PCBP3: variants seen among roughly 807,000 people sequenced by gnomAD.
The protein encoded by PCBP3 is poly(rC) binding protein 3.
PCBP3 carries 25 observed loss-of-function variants against 52.7 expected under a neutral mutation model. The ratio of observed to expected loss-of-function variants is 0.47; its 90% CI spans 0.35 to 0.66. The LOEUF (loss-of-function observed/expected upper bound fraction) is 0.66, where lower values mean the gene tolerates loss of function less well. PCBP3 is among the 30% of genes least tolerant of loss of function. The pLI, the probability that PCBP3 is intolerant of heterozygous loss-of-function variation, is 0.01. For missense variants in PCBP3, 391 were observed against 490.3 expected, an observed-to-expected ratio of 0.80 and a Z score of 1.91; for synonymous variants, 162 against 183.0, an observed-to-expected ratio of 0.89 and a Z score of 0.93.
chr21:45,932,991 A>G (rs1259813745), intron 15 of PCBP3, among the ~76,000 whole-genome samples: 1 of 151,624 alleles, frequency 6.6e-6, no homozygotes, highest in Non-Finnish European at 1.5e-5. Context: ...CCGTTCTGAG[A>G]TGAATGAACA....
At chr21:45,785,571 C>T (rs1232072973) in intron 4 of PCBP3, among the ~76,000 whole-genome samples, 5 of 151,548 alleles carry the variant, frequency 3.3e-5, no homozygotes, top group South Asian at 2.1e-4. Context: ...CGCCTCTGCC[C>T]GGCCGCCCCT....
chr21:45,917,986 G>A lies in PCBP3; in HGVS notation c.717+357G>A, dbSNP rs1026725898. The A allele has an allele frequency of 8.0e-5, 26 of 325,148 alleles. No individual in the cohort carries two copies. The highest frequency in any genetic ancestry group is 4.9e-4 in the African/African-American group (23 of 46,652). 20.1% of individuals were successfully genotyped at this position (325,148 alleles called of 1,614,324 possible). On this transcript the variant is annotated intron_variant, in intron 13 of 17. Coordinates refer to ENST00000681687, the MANE Select transcript of PCBP3 (RefSeq NM_001384156.1). This position sits in a 1 kb window ranked among gnomAD's most constrained non-coding sequence, Gnocchi z 5.3. Reference sequence around the variant, plus strand: ...CAGGCGTCAGTGATACTTTCTCTGCGCCTAAGAAGTTGGGTGACATTATCA... The same window carrying A: ...CAGGCGTCAGTGATACTTTCTCTGCACCTAAGAAGTTGGGTGACATTATCA...
chr21:45,845,545 ATG>A (rs1252954695), intron 4 of PCBP3, among the ~76,000 whole-genome samples: 4 of 148,590 alleles, frequency 2.7e-5, no homozygotes, highest in Non-Finnish European at 5.9e-5. Flanking sequence ...GTGTGTATGC[ATG>A]TGTGTGAGCT....
intron 4 of PCBP3, among the ~76,000 whole-genome samples, chr21:45,811,965 T>TC (rs1207805492): frequency 6.6e-6 from 1 of 152,232 alleles, no homozygotes; most frequent in Non-Finnish European, 1.5e-5. Context: ...TATCAGTTAT[T>TC]CCTTAGAATT....
rs547749025 is a variant in PCBP3, at chr21:45,743,795, G to A, written c.-162+8366G>A. 1.7e-4 allele frequency among the ~76,000 whole-genome samples: 26 copies of A among 152,158 alleles called. No individual in the cohort carries two copies. In the South Asian group the frequency reaches 5.2e-3, roughly 30 times the overall value. ...TTTTTCTAATTTTTATATGATTTTG[G>A]CAATAAATGATAGCTTGCTTTCATA... On this transcript the variant is annotated intron_variant, in intron 3 of 17. Transcript: ENST00000681687.
In PCBP3 at chr21:45,836,712, C is replaced by T. The variant is rs983565401; in HGVS notation, c.-125-13249C>T. ...CTTCCTCTTCTTTACCGTGATCCTG[C>T]ATTTTGTTTTCTCATCTCTTCTCTT... On this transcript the variant is annotated intron_variant, in intron 4 of 17. Transcript: ENST00000681687. Among the ~76,000 whole-genome samples the T allele has an allele frequency of 4.6e-5, 7 of 152,082 alleles. No homozygotes were observed. In the South Asian group the frequency reaches 1.3e-3, roughly 27 times the overall value.
chr21:45,676,287 T>A (rs550106363), intron 2 of PCBP3, among the ~76,000 whole-genome samples: 2 of 152,316 alleles, frequency 1.3e-5, no homozygotes, highest in East Asian at 3.9e-4. Context: ...AAAGTTAGAA[T>A]TGTGGAAAAC....
chr21:45,677,582 C>T (rs919124429), intron 2 of PCBP3, among the ~76,000 whole-genome samples: 3 of 152,220 alleles, frequency 2.0e-5, no homozygotes, highest in Non-Finnish European at 4.4e-5. Flanking sequence ...AAATAGCCTT[C>T]TATTGAAAGA....
intron 4 of PCBP3, among the ~76,000 whole-genome samples, chr21:45,832,943 C>T (rs1355572536): frequency 1.3e-5 from 2 of 152,158 alleles, no homozygotes; most frequent in African/African-American, 2.4e-5. Flanking sequence ...CGTGAGAACT[C>T]GCTATCATGA....
At chr21:45,870,603 G>A (rs139419067) in intron 5 of PCBP3, among the ~76,000 whole-genome samples, 1 of 152,306 alleles carries the variant, frequency 6.6e-6, no homozygotes, top group South Asian at 2.1e-4. Flanking sequence ...AGCTCCTGGG[G>A]TCTGAAGTGA....
intron 10 of PCBP3, 67 bp downstream of exon 10, chr21:45,909,553 G>T: frequency 6.6e-7 from 1 of 1,523,506 alleles, no homozygotes; most frequent in African/African-American, 1.4e-5. Flanking sequence ...GTGGCCACAG[G>T]CCAGGCAGCC....
chr21:45,739,264 C>A (rs1324537785), intron 3 of PCBP3, among the ~76,000 whole-genome samples: 1 of 89,774 alleles, frequency 1.1e-5, no homozygotes, highest in Non-Finnish European at 2.2e-5. Context: ...CTGTCCATGG[C>A]CCCCTGGATG....
intron 4 of PCBP3, among the ~76,000 whole-genome samples, chr21:45,771,458 C>T (rs563290812): frequency 6.6e-6 from 1 of 152,278 alleles, no homozygotes; most frequent in East Asian, 1.9e-4. Flanking sequence ...TTCAGAGCAT[C>T]ATTTTGTCTA....
chr21:45,882,481 G>T, intron 5 of PCBP3, among the ~76,000 whole-genome samples: 1 of 151,864 alleles, frequency 6.6e-6, no homozygotes, highest in East Asian at 1.9e-4. Context: ...TCCCTAGGTT[G>T]TCTCTTCACT....
chr21:45,816,964 G>T (rs2092984212), intron 4 of PCBP3, among the ~76,000 whole-genome samples: 1 of 152,094 alleles, frequency 6.6e-6, no homozygotes, highest in African/African-American at 2.4e-5. Flanking sequence ...CCTTCCTAAG[G>T]AGGCCACAGC....
intron 1 of PCBP3, among the ~76,000 whole-genome samples, chr21:45,646,630 C>A (rs1459312527): frequency 6.6e-6 from 1 of 152,208 alleles, no homozygotes; most frequent in Admixed American, 6.5e-5. Flanking sequence ...ATGGATTAAT[C>A]CATTTTATGA....
At chr21:45,794,445 G>A (rs900480840) in intron 4 of PCBP3, among the ~76,000 whole-genome samples, 1 of 152,174 alleles carries the variant, frequency 6.6e-6, no homozygotes, top group African/African-American at 2.4e-5. Context: ...GCTCCCTGAG[G>A]AATAGGGACA....
chr21:45,784,540 C>G (rs1278446589), intron 4 of PCBP3, among the ~76,000 whole-genome samples: 1 of 152,170 alleles, frequency 6.6e-6, no homozygotes, highest in Non-Finnish European at 1.5e-5. Context: ...GCTGCCATCT[C>G]GGCTCACTGC....
chr21:45,675,014 G>C (rs1416500942), intron 2 of PCBP3, among the ~76,000 whole-genome samples: 1 of 152,196 alleles, frequency 6.6e-6, no homozygotes, highest in Non-Finnish European at 1.5e-5. Context: ...AGCTTCTCCT[G>C]AGCTGATAGG....
Sources: gnomAD v4.1 joint callset for allele counts (sites outside exome capture counted in the v4.1 genomes callset) on GRCh38, gnomAD v4.1.1 for gene constraint, Gnocchi (gnomAD v3.1) non-coding constraint, MANE v1.5 for transcripts, NCBI Gene and HGNC (gene_info 2026-07-23, HGNC 2026-07-21) for gene names.